Variants in ADD2 observed in about 807,000 individuals in gnomAD.
ADD2 encodes beta-adducin.
Under a neutral mutation model 83.0 loss-of-function variants are expected in ADD2, and 23 were observed. That is an observed-to-expected ratio of 0.28 (90% CI 0.20 to 0.39). The LOEUF (loss-of-function observed/expected upper bound fraction) is 0.39, where lower values mean the gene tolerates loss of function less well. ADD2 is among the 10% of genes least tolerant of loss of function. ADD2 has a pLI of 1.00. For missense variants in ADD2, 758 were observed against 944.9 expected (o/e 0.80, Z 2.59); for synonymous variants, 375 against 375.4 (o/e 1.00, Z 0.01).
intron 1 of ADD2, among the ~76,000 whole-genome samples, chr2:70,753,662 C>A (rs1674626680): frequency 6.6e-6 from 1 of 151,850 alleles, no homozygotes; most frequent in Non-Finnish European, 1.5e-5. Context: ...CTGGAGGCAC[C>A]CAGAAAGGTG....
At chr2:70,735,398 C>A (rs143890765) in intron 1 of ADD2, among the ~76,000 whole-genome samples, 3,003 of 152,248 alleles carry the variant, frequency 0.02, 50 homozygotes, top group Middle Eastern at 0.027. Flanking sequence ...GTTCGCACAA[C>A]CCAAATTTAA....
intron 1 of ADD2, among the ~76,000 whole-genome samples, chr2:70,766,133 A>G (rs557014368): frequency 6.6e-6 from 1 of 152,340 alleles, no homozygotes; most frequent in African/African-American, 2.4e-5. Context: ...TATGACAAGC[A>G]TATTTCTAAT....
intron 1 of ADD2, among the ~76,000 whole-genome samples, chr2:70,748,971 T>C (rs141491805): frequency 1.3e-5 from 2 of 152,312 alleles, no homozygotes; most frequent in East Asian, 1.9e-4. Context: ...AGATCCTGTT[T>C]GGCAGGATCA....
At chr2:70,668,264 C>T (rs1301229725) in intron 15 of ADD2, among the ~76,000 whole-genome samples, 1 of 152,092 alleles carries the variant, frequency 6.6e-6, no homozygotes, top group Non-Finnish European at 1.5e-5. Flanking sequence ...CTGGAGAACT[C>T]TAATACAGTC....
Position 70,675,232 on chromosome 2 carries a change from A to G in ADD2, c.1594-407T>C, listed in dbSNP as rs1670073259. The G allele has an allele frequency of 3.0e-6, 3 of 1,008,906 alleles. No homozygotes were observed. In the African/African-American group the frequency reaches 5.2e-5, roughly 17 times the overall value. The allele number at this position is 1,008,906 out of a possible 1,614,324, so 62.5% of individuals were successfully genotyped here. ...GGCTCAAGCAAGCTTCATGCCAGCCATTCCCCACCACTGCCCTCCCCGCCC... is the reference window on the plus strand; with the variant it reads ...GGCTCAAGCAAGCTTCATGCCAGCCGTTCCCCACCACTGCCCTCCCCGCCC... On this transcript the variant is annotated intron_variant, in intron 13 of 15. Transcript: ENST00000264436.
At chr2:70,689,880 G>T (rs1553371225) in intron 8 of ADD2, among the ~76,000 whole-genome samples, 1 of 152,142 alleles carries the variant, frequency 6.6e-6, no homozygotes, top group African/African-American at 2.4e-5. Flanking sequence ...ACTCAAGTTT[G>T]GGGAGACTGC....
intron 1 of ADD2, among the ~76,000 whole-genome samples, chr2:70,763,774 G>A (rs561608325): frequency 6.6e-6 from 1 of 152,024 alleles, no homozygotes; most frequent in South Asian, 2.1e-4. Context: ...AATTGAGCAG[G>A]AGAGAGGTTG....
At chr2:70,722,031 A>G (rs1022822736) in intron 1 of ADD2, among the ~76,000 whole-genome samples, 8 of 152,194 alleles carry the variant, frequency 5.3e-5, no homozygotes, top group Non-Finnish European at 1.5e-5. Flanking sequence ...CATGATAACA[A>G]TTTGATAACA....
chr2:70,746,811 T>C (rs1174229804), intron 1 of ADD2, among the ~76,000 whole-genome samples: 1 of 152,142 alleles, frequency 6.6e-6, no homozygotes, highest in Non-Finnish European at 1.5e-5. Flanking sequence ...ATGCCTGGCC[T>C]TCCCACCACT....
chr2:70,703,064 G>A (rs1403343776), intron 4 of ADD2, among the ~76,000 whole-genome samples: 1 of 151,874 alleles, frequency 6.6e-6, no homozygotes, highest in Non-Finnish European at 1.5e-5. Flanking sequence ...AGGTTGCAGT[G>A]GGCTGAGATT....
At chr2:70,684,454 G>T (rs1670616612) in intron 9 of ADD2, among the ~76,000 whole-genome samples, 1 of 152,108 alleles carries the variant, frequency 6.6e-6, no homozygotes, top group African/African-American at 2.4e-5. Context: ...CTGCCATGTT[G>T]GCCAGGCTGG....
intron 1 of ADD2, among the ~76,000 whole-genome samples, chr2:70,728,632 CTTT>C (rs1553378747): frequency 6.6e-6 from 1 of 152,206 alleles, no homozygotes. Context: ...GGACATTGCC[CTTT>C]TGCGAGTTAT....
chr2:70,680,911 T>A (rs1670420300), intron 10 of ADD2, among the ~76,000 whole-genome samples: 1 of 152,198 alleles, frequency 6.6e-6, no homozygotes. Flanking sequence ...CTGGCTGGCT[T>A]TGCTCATTCC....
intron 1 of ADD2, among the ~76,000 whole-genome samples, chr2:70,742,015 T>C (rs781792795): frequency 3.1e-4 from 47 of 152,304 alleles, no homozygotes; most frequent in Non-Finnish European, 5.6e-4. Flanking sequence ...TCCAAGAACC[T>C]GGAAGTTTCC....
intron 6 of ADD2, among the ~76,000 whole-genome samples, chr2:70,693,550 C>T (rs941652039): frequency 2.6e-5 from 4 of 152,122 alleles, no homozygotes; most frequent in Non-Finnish European, 5.9e-5. Context: ...GTGCTGCTGG[C>T]GTTTGCTTAC....
intron 1 of ADD2, among the ~76,000 whole-genome samples, chr2:70,723,939 A>T (rs549477095): frequency 3.6e-4 from 55 of 152,246 alleles, no homozygotes; most frequent in Non-Finnish European, 6.9e-4. Flanking sequence ...ACCACTTAGA[A>T]AAGGGCATTT....
At chr2:70,757,482 G>A (rs954641886) in intron 1 of ADD2, among the ~76,000 whole-genome samples, 4 of 152,200 alleles carry the variant, frequency 2.6e-5, no homozygotes, top group South Asian at 4.2e-4. Context: ...GGGAATGAGT[G>A]TGGAATGGTT....
At chr2:70,690,608 A>G (rs1670976515) in intron 8 of ADD2, among the ~76,000 whole-genome samples, 178 bp downstream of exon 8, 1 of 152,230 alleles carries the variant, frequency 6.6e-6, no homozygotes. Flanking sequence ...AGTTTTGCAA[A>G]TATAAATTTC....
chr2:70,734,462 T>A (rs7559918), intron 1 of ADD2, among the ~76,000 whole-genome samples: 5,411 of 152,144 alleles, frequency 0.036, 120 homozygotes, highest in Non-Finnish European at 0.055. Flanking sequence ...GGGAAGCCTC[T>A]TGGGGTAAAA....
Sources: allele counts gnomAD v4.1 joint callset (sites outside exome capture counted in the v4.1 genomes callset), GRCh38; gene constraint gnomAD v4.1.1; transcripts MANE v1.5; gene names NCBI Gene and HGNC (gene_info 2026-07-23, HGNC 2026-07-21).